The following AK9 variants were observed in gnomAD, a reference collection of about 807,000 sequenced individuals.
The protein encoded by AK9 is adenylate kinase 9.
AK9 carries 191 observed loss-of-function variants against 239.6 expected under a neutral mutation model. The observed-to-expected ratio is 0.80, with a 90% CI of 0.71 to 0.90. AK9 has a LOEUF of 0.90. Ranked by LOEUF, AK9 falls within the 40% of genes least tolerant of loss-of-function variation. The pLI is 0.00. For missense variants in AK9, 1,995 were observed against 2,214.7 expected (o/e 0.90, Z 1.99); for synonymous variants, 689 against 721.0 (o/e 0.96, Z 0.71).
At chr6:109,552,051 T>C (rs1447792745) in intron 24 of AK9, among the ~76,000 whole-genome samples, 1 of 152,136 alleles carries the variant, frequency 6.6e-6, no homozygotes, top group Non-Finnish European at 1.5e-5. Flanking sequence ...AAGGACATGA[T>C]CTCATTCTTT....
At position 109,506,747 on chromosome 6, in the gene AK9, G is replaced by A. The variant is rs1444138246; in HGVS notation, c.4535C>T (p.Ala1512Val). 1 of 1,526,842 alleles carries A rather than the reference G, an allele frequency of 6.5e-7. No homozygotes were observed. The highest frequency in any genetic ancestry group is 2.0e-5 in the Admixed American group (1 of 49,404). 94.6% of individuals were successfully genotyped at this position (1,526,842 alleles called of 1,614,324 possible). A position where few individuals can be genotyped will look rare whatever the true frequency, so the allele number is the denominator to read the frequency against. ...GATGACCATGGGAATGATTGACCTA[G>A]CTTCCAAGAGATTCATTTGATGTTT... ...VTKHQMNLLEARSIIPMVIFE... is the reference protein window; with the variant it reads ...VTKHQMNLLEVRSIIPMVIFE... Residue 1512 changes from alanine to valine, a missense_variant, in exon 34 of 41, where the codon GCT (alanine) becomes GTT (valine). Transcript: ENST00000424296.
At chr6:109,614,068 C>A in intron 15 of AK9, 115 bp downstream of exon 15, 1 of 948,770 alleles carries the variant, frequency 1.1e-6, no homozygotes, top group Admixed American at 2.5e-5. Context: ...TAGCTTTTTT[C>A]CTCCTGAAGT....
Position 109,494,034 on chromosome 6 carries a change from G to A in AK9, c.5480C>T (p.Pro1827Leu), listed in dbSNP as rs1039705884. The change falls in exon 40 of 41, where the codon CCC (proline) becomes CTC (leucine). Residue 1827 changes from proline to leucine, a missense_variant. By Grantham distance (98) the Pro-to-Leu change is moderately conservative. Coordinates refer to ENST00000424296, the MANE Select transcript of AK9 (RefSeq NM_001145128.3). ...TGCAGATCTCCTTATACTTAAAAAG[G>A]GGAACTTGGGCTTTAAGCATCCCGC... The part of the protein sequence containing the change: ...NAAGCLKPKF[P>L]FLSIRRSALL... 1.9e-6 allele frequency: 3 copies of A among 1,612,518 alleles called. No individual in the cohort carries two copies. The highest frequency in any genetic ancestry group is 1.1e-5 in the South Asian group (1 of 90,924).
intron 29 of AK9, among the ~76,000 whole-genome samples, chr6:109,525,974 A>G (rs997806911): frequency 2.6e-5 from 4 of 152,250 alleles, no homozygotes; most frequent in East Asian, 1.9e-4. Context: ...GAATGAATTC[A>G]TATCTTTTGC....
At chr6:109,568,098 T>C (rs1309328415) in intron 21 of AK9, among the ~76,000 whole-genome samples, 1 of 152,154 alleles carries the variant, frequency 6.6e-6, no homozygotes, top group African/African-American at 2.4e-5. Flanking sequence ...GTTGGCTTCA[T>C]CCCTGGGATG....
intron 29 of AK9, among the ~76,000 whole-genome samples, chr6:109,520,370 G>A (rs1296445128): frequency 6.6e-6 from 1 of 151,964 alleles, no homozygotes; most frequent in African/African-American, 2.4e-5. Flanking sequence ...TATTGAATAG[G>A]GTATCCTTTC....
chr6:109,592,989 C>T (rs1790491871), intron 17 of AK9, among the ~76,000 whole-genome samples: 2 of 152,172 alleles, frequency 1.3e-5, no homozygotes, highest in South Asian at 4.2e-4. Flanking sequence ...TTCTTCTTCT[C>T]CTCTGGAATA....
intron 29 of AK9, chr6:109,527,852 T>C (rs1174344113): frequency 6.6e-6 from 1 of 152,138 alleles, no homozygotes; most frequent in East Asian, 1.9e-4. Flanking sequence ...ATAAAGAACA[T>C]TTAAAGTTTA....
rs767668635 is a variant in AK9 at position 109,579,661 on chromosome 6, G to A, written c.2115-35C>T. The A allele has an allele frequency of 6.6e-6, 10 of 1,522,122 alleles. No individual in the cohort carries two copies. In the South Asian group the frequency reaches 1.1e-4, roughly 17 times the overall value. 94.3% of individuals were successfully genotyped at this position (1,522,122 alleles called of 1,614,324 possible). ...AAAGGTTCAAATTTAATTATCTTTG[G>A]AAATTCAGACTTCTCACACTATTAC... On this transcript the variant is annotated intron_variant, in intron 19 of 40. Transcript: ENST00000424296.
At position 109,493,437 on chromosome 6, in the gene AK9, C is replaced by G. The variant is rs763276931; in HGVS notation, c.5668G>C (p.Ala1890Pro). The stretch of plus-strand genomic sequence containing the variant: ...TTTAACTTATGATCAAAGTCAATGG[C>G]TCTGAACTGAGGTTCCTTGTATTTT... ...TRKYKEPQFR[A>P]IDFDHKLKTF... Residue 1890 changes from alanine (A) to proline (P), a missense_variant, in exon 41 of 41, where the codon GCC (alanine) becomes CCC (proline). Coordinates refer to ENST00000424296, the MANE Select transcript of AK9 (RefSeq NM_001145128.3). 6.2e-7 allele frequency: 1 copy of G among 1,614,158 alleles called. No individual in the cohort carries two copies.
intron 8 of AK9, among the ~76,000 whole-genome samples, chr6:109,647,950 C>G (rs1033087593): frequency 1.1e-4 from 17 of 152,040 alleles, no homozygotes; most frequent in Non-Finnish European, 2.1e-4. Flanking sequence ...CAAAACCGCT[C>G]AACTACATGG....
At chr6:109,612,417 G>T (rs759646549) in intron 15 of AK9, among the ~76,000 whole-genome samples, 3,220 of 152,270 alleles carry the variant, frequency 0.021, 69 homozygotes, top group Non-Finnish European at 0.031. Flanking sequence ...ACACAGGGCA[G>T]AAGAATGCCT....
chr6:109,621,887 T>A (rs1489277166), intron 12 of AK9, among the ~76,000 whole-genome samples: 11 of 27,490 alleles, frequency 4.0e-4, no homozygotes, highest in Middle Eastern at 0.031. Context: ...AAACTTAAAG[T>A]ATAATTAAAA....
intron 17 of AK9, among the ~76,000 whole-genome samples, chr6:109,604,784 A>G (rs1333970320): frequency 6.6e-6 from 1 of 152,228 alleles, no homozygotes; most frequent in Non-Finnish European, 1.5e-5. Flanking sequence ...AAATTGAGAA[A>G]GATACCTTAA....
intron 21 of AK9, among the ~76,000 whole-genome samples, chr6:109,570,270 G>A (rs759215096): frequency 1.2e-4 from 18 of 151,786 alleles, no homozygotes; most frequent in Non-Finnish European, 2.4e-4. Context: ...TCACACACTG[G>A]AGCCTGTCGT....
chr6:109,604,631 A>C (rs1792594383), intron 17 of AK9, among the ~76,000 whole-genome samples: 1 of 152,176 alleles, frequency 6.6e-6, no homozygotes, highest in South Asian at 2.1e-4. Context: ...ATATTTTACT[A>C]GTTAGTAGAG....
At chr6:109,639,051 T>A (rs954094146) in intron 10 of AK9, among the ~76,000 whole-genome samples, 1 of 152,226 alleles carries the variant, frequency 6.6e-6, no homozygotes, top group African/African-American at 2.4e-5. Flanking sequence ...CAGTCTATCA[T>A]TGATGGACAT....
intron 17 of AK9, among the ~76,000 whole-genome samples, chr6:109,605,345 A>G (rs1400714406): frequency 6.6e-6 from 1 of 152,218 alleles, no homozygotes; most frequent in Non-Finnish European, 1.5e-5. Flanking sequence ...CTGCAGCCTG[A>G]AGCCAAACTC....
intron 24 of AK9, among the ~76,000 whole-genome samples, chr6:109,557,420 G>A (rs1007377844): frequency 1.3e-5 from 2 of 152,056 alleles, no homozygotes; most frequent in Non-Finnish European, 2.9e-5. Flanking sequence ...CAGTAGGATC[G>A]CTCCTGTATA....
Sources: allele counts gnomAD v4.1 joint callset (sites outside exome capture counted in the v4.1 genomes callset), GRCh38; gene constraint gnomAD v4.1.1; transcripts MANE v1.5; gene names NCBI Gene and HGNC (gene_info 2026-07-23, HGNC 2026-07-21).